The following KDM2B variants were observed in gnomAD, a reference collection of about 807,000 sequenced individuals.
KDM2B encodes the protein lysine demethylase 2B, also known as lysine-specific demethylase 2B.
KDM2B carries 26 observed loss-of-function variants against 150.0 expected under a neutral mutation model. That is an observed-to-expected ratio of 0.17 (90% CI 0.13 to 0.24). The LOEUF (loss-of-function observed/expected upper bound fraction) is 0.24, where lower values mean the gene tolerates loss of function less well. KDM2B is among the 10% of genes least tolerant of loss of function. The probability of loss-of-function intolerance (pLI) is 1.00; values close to 1 mark genes in which losing one functional copy is unlikely to be tolerated. For synonymous variants in KDM2B, 734 were observed against 729.5 expected, an observed-to-expected ratio of 1.01 and a Z score of -0.10; for missense variants, 1,265 against 1,816.9, an observed-to-expected ratio of 0.70 and a Z score of 5.52.
At chr12:121,478,272 G>A (rs1413487808) in intron 12 of KDM2B, among the ~76,000 whole-genome samples, 1 of 151,672 alleles carries the variant, frequency 6.6e-6, no homozygotes, top group Non-Finnish European at 1.5e-5. Context: ...AGATCATTTC[G>A]CCACTCCGGT....
chr12:121,572,645 G>C (rs895975667), intron 4 of KDM2B, among the ~76,000 whole-genome samples: 12 of 152,064 alleles, frequency 7.9e-5, no homozygotes, highest in Non-Finnish European at 1.2e-4. Context: ...CATCAGAAAA[G>C]ACATTTCATT....
chr12:121,441,427 A>G (rs1225699048), intron 19 of KDM2B, among the ~76,000 whole-genome samples, 194 bp from the exon 20 acceptor site: 1 of 151,216 alleles, frequency 6.6e-6, no homozygotes, highest in African/African-American at 2.4e-5. Context: ...CATGGCCTCC[A>G]CTCTCCATCA....
chr12:121,526,456 T>C (rs1887143217), intron 8 of KDM2B, among the ~76,000 whole-genome samples: 1 of 152,162 alleles, frequency 6.6e-6, no homozygotes, highest in Non-Finnish European at 1.5e-5. Context: ...CCCAAGCTAC[T>C]GGAGTTCAAA....
downstream of KDM2B, among the ~76,000 whole-genome samples, chr12:121,426,348 T>A (rs782793606): frequency 7.2e-5 from 11 of 152,112 alleles, no homozygotes; most frequent in Non-Finnish European, 1.0e-4. Context: ...ATGTTTAGTG[T>A]AACAGGCTTG....
intron 13 of KDM2B, among the ~76,000 whole-genome samples, chr12:121,446,206 T>G (rs541793079): frequency 9.3e-5 from 14 of 151,044 alleles, no homozygotes; most frequent in Non-Finnish European, 2.1e-4. Context: ...CCATCCCGGC[T>G]ACCACGGTGA....
At chr12:121,563,659 C>T (rs1240892084) in intron 4 of KDM2B, among the ~76,000 whole-genome samples, 1 of 151,942 alleles carries the variant, frequency 6.6e-6, no homozygotes, top group African/African-American at 2.4e-5. Flanking sequence ...TGGCTCACGC[C>T]TGTAATCCCA....
intron 12 of KDM2B, among the ~76,000 whole-genome samples, chr12:121,473,644 G>A (rs1593871414): frequency 6.7e-6 from 1 of 150,254 alleles, no homozygotes; most frequent in Middle Eastern, 3.4e-3. Context: ...GCTTGAACCA[G>A]GGAGGCAGAG....
chr12:121,417,683 T>TA, the KDM2B span: 1 of 1,614,096 alleles, frequency 6.2e-7, no homozygotes, highest in East Asian at 2.2e-5. The surrounding 1 kb of genome is among the most constrained non-coding windows in gnomAD (Gnocchi z 5.0). Context: ...TACCCATAGA[T>TA]ACTTGTCGTG....
rs1566271014 is a variant in KDM2B, at chr12:121,445,257, C to T, written c.2103+18G>A. The stretch of plus-strand genomic sequence containing the variant: ...GCCCCAGAGCGTCAGCACCACCTGT[C>T]CCCACTGGGCCACTCACCTTAAGGC... On this transcript the variant is annotated intron_variant, in intron 14 of 22. Coordinates refer to ENST00000377071, the MANE Select transcript of KDM2B (RefSeq NM_032590.5). 1 of 1,611,370 alleles carries T rather than the reference C, an allele frequency of 6.2e-7. No homozygotes were observed. The highest frequency in any genetic ancestry group is 1.7e-5 in the Admixed American group (1 of 59,852).
chr12:121,565,091 C>T (rs1392051951), intron 4 of KDM2B, among the ~76,000 whole-genome samples: 5 of 152,020 alleles, frequency 3.3e-5, no homozygotes, highest in African/African-American at 1.2e-4. Flanking sequence ...CCTAGGTCTC[C>T]GAAAGTGCTG....
chr12:121,473,733 A>AAGAG (rs1555296270), intron 12 of KDM2B, among the ~76,000 whole-genome samples: 1 of 149,936 alleles, frequency 6.7e-6, no homozygotes, highest in African/African-American at 2.5e-5. Flanking sequence ...AAAAAAAAAA[A>AAGAG]AGAGAGAGAG....
rs147676847 is a variant in KDM2B, at chr12:121,518,391, G to GAA, written c.1047+2592_1047+2593dup. Among the ~76,000 whole-genome samples the GAA allele has an allele frequency of 0.014, 2,152 of 152,234 alleles. 45 individuals carry two copies. Among genetic ancestry groups the GAA allele is most frequent in the African/African-American group, 0.05 (2,058 of 41,524 alleles). On this transcript the variant is annotated intron_variant, in intron 9 of 22. Transcript: ENST00000377071. The surrounding 1 kb of genome is among the most constrained non-coding windows in gnomAD (Gnocchi z 4.4). The stretch of plus-strand genomic sequence containing the variant: ...TAGCCAAGTCCCTCTCTCAAGACCA[G>GAA]AAATCAAGGCAGATTAAACAACCTG...
intron 12 of KDM2B, chr12:121,494,176 G>A (rs1555300441): frequency 5.6e-6 from 1 of 179,430 alleles, no homozygotes. Context: ...TTTTTATGTT[G>A]AGCATCAACC....
At chr12:121,580,326 C>T (rs1465313178) in intron 1 of KDM2B, 45 of 1,172,948 alleles carry the variant, frequency 3.8e-5, no homozygotes, top group Non-Finnish European at 4.3e-5. Context: ...GAGCCCGCGG[C>T]CGGGCTATTT....
chr12:121,509,119 T>C (rs111766158), intron 11 of KDM2B, among the ~76,000 whole-genome samples: 2,638 of 151,180 alleles, frequency 0.017, 74 homozygotes, highest in African/African-American at 0.06. Flanking sequence ...AGTGCAGTGG[T>C]GCGATCTCAG....
chr12:121,467,207 GC>G lies in KDM2B; in HGVS notation c.1735-13864del. ...GTCGTCCTCGGCGCTCACGGACATG[GC>G]CATGGCTCATGGTGGGCCCAGGCTC... On this transcript the variant is annotated intron_variant, in intron 12 of 22. Transcript: ENST00000377071. The surrounding 1 kb of genome is among the most constrained non-coding windows in gnomAD (Gnocchi z 5.1). The G allele has an allele frequency of 9.1e-7, 1 of 1,102,536 alleles. No individual in the cohort carries two copies. Among genetic ancestry groups the G allele is most frequent in the South Asian group, 1.9e-5 (1 of 51,992 alleles). 68.3% of individuals were successfully genotyped at this position (1,102,536 alleles called of 1,614,324 possible).
At chr12:121,493,074 T>TTA (rs1555300235) in intron 12 of KDM2B, among the ~76,000 whole-genome samples, 3 of 139,912 alleles carry the variant, frequency 2.1e-5, no homozygotes, top group African/African-American at 8.1e-5. Context: ...TTTTTTTTTT[T>TTA]TTTTTTTTTT....
intron 8 of KDM2B, chr12:121,524,772 T>TC: frequency 2.3e-6 from 1 of 429,248 alleles, no homozygotes; most frequent in South Asian, 1.6e-5. Context: ...GCCTCCTGCT[T>TC]CCAGCCAGAG....
intron 12 of KDM2B, among the ~76,000 whole-genome samples, chr12:121,493,478 G>A (rs1426527736): frequency 2.6e-5 from 4 of 152,112 alleles, no homozygotes; most frequent in East Asian, 1.9e-4. Context: ...GGAGGCAGAC[G>A]GATGGTACAG....
Sources: allele counts gnomAD v4.1 joint callset (sites outside exome capture counted in the v4.1 genomes callset), GRCh38; gene constraint gnomAD v4.1.1; non-coding constraint Gnocchi (gnomAD v3.1); transcripts MANE v1.5; gene names NCBI Gene and HGNC (gene_info 2026-07-23, HGNC 2026-07-21).